Variants in CCDC6 observed in about 807,000 individuals in gnomAD.
CCDC6 encodes coiled-coil domain containing 6.
In CCDC6, 20 loss-of-function variants were observed where a neutral mutation model predicts 56.6. The observed-to-expected ratio is 0.35, with a 90% confidence interval of 0.25 to 0.51. The LOEUF (loss-of-function observed/expected upper bound fraction) is 0.51, where lower values mean the gene tolerates loss of function less well. Ranked by LOEUF, CCDC6 falls within the 20% of genes least tolerant of loss-of-function variation. The pLI, the probability that CCDC6 is intolerant of heterozygous loss-of-function variation, is 0.95. For missense variants in CCDC6, 367 were observed against 601.1 expected (o/e 0.61, Z 4.07); for synonymous variants, 241 against 234.4 (o/e 1.03, Z -0.26).
chr10:59,799,680 C>T (rs981863014), intron 7 of CCDC6, among the ~76,000 whole-genome samples: 4 of 152,202 alleles, frequency 2.6e-5, no homozygotes, highest in Non-Finnish European at 5.9e-5. Flanking sequence ...AGAATGTCTT[C>T]TCTTTACCAC....
intron 5 of CCDC6, 41 bp from the exon 6 acceptor site, chr10:59,807,119 A>G: frequency 1.9e-6 from 3 of 1,584,316 alleles, no homozygotes; most frequent in East Asian, 2.2e-5. Context: ...GTTTCATGCA[A>G]TCATATCCAA....
intron 1 of CCDC6, 77 bp downstream of exon 1, chr10:59,906,045 G>T: frequency 8.0e-7 from 1 of 1,247,684 alleles, no homozygotes; most frequent in Non-Finnish European, 1.1e-6. Context: ...AGACTTGGGG[G>T]GTGGCTGGAT....
At chr10:59,822,820 C>T (rs2070758495) in intron 3 of CCDC6, among the ~76,000 whole-genome samples, 1 of 152,090 alleles carries the variant, frequency 6.6e-6, no homozygotes, top group South Asian at 2.1e-4. Flanking sequence ...AAAGTGAGAA[C>T]TCATATCCCT....
intron 1 of CCDC6, among the ~76,000 whole-genome samples, chr10:59,872,540 A>T (rs2071238407): frequency 6.6e-6 from 1 of 152,198 alleles, no homozygotes. Flanking sequence ...TCCTCCGAAG[A>T]AGTAAAAGAC....
intron 2 of CCDC6, among the ~76,000 whole-genome samples, chr10:59,842,343 G>A (rs1024311715): frequency 3.9e-5 from 6 of 152,132 alleles, no homozygotes; most frequent in African/African-American, 1.4e-4. Flanking sequence ...CACCGTGCCT[G>A]GCCTATGTAA....
chr10:59,867,990 T>C (rs1463982186), intron 1 of CCDC6, among the ~76,000 whole-genome samples: 1 of 152,180 alleles, frequency 6.6e-6, no homozygotes, highest in Non-Finnish European at 1.5e-5. Flanking sequence ...CCCTAAAGTG[T>C]ACCACAAACA....
intron 8 of CCDC6, among the ~76,000 whole-genome samples, chr10:59,793,456 C>A (rs947497398): frequency 2.6e-5 from 4 of 152,160 alleles, no homozygotes; most frequent in African/African-American, 9.7e-5. Flanking sequence ...AATAAGTTGT[C>A]CACATCCTGA....
intron 1 of CCDC6, among the ~76,000 whole-genome samples, chr10:59,905,565 C>T (rs1226977186): frequency 6.6e-6 from 1 of 152,182 alleles, no homozygotes; most frequent in Non-Finnish European, 1.5e-5. Flanking sequence ...CCCTCTCGAT[C>T]CCGGCCAGAA....
At chr10:59,858,730 C>G (rs1282977054) in intron 1 of CCDC6, among the ~76,000 whole-genome samples, 1 of 152,178 alleles carries the variant, frequency 6.6e-6, no homozygotes, top group East Asian at 1.9e-4. Context: ...ATACCTGGTT[C>G]AAGAAGATGG....
intron 6 of CCDC6, chr10:59,805,007 G>C (rs911936942): frequency 2.7e-4 from 43 of 160,568 alleles, no homozygotes; most frequent in Admixed American, 2.5e-3. Flanking sequence ...AGCAAGCCCT[G>C]CTTAACAGAC....
chr10:59,823,234 A>C (rs2070761080), intron 3 of CCDC6, among the ~76,000 whole-genome samples: 1 of 152,210 alleles, frequency 6.6e-6, no homozygotes, highest in Non-Finnish European at 1.5e-5. Context: ...GGTGGAGGGC[A>C]GCCGACTCAT....
At chr10:59,842,386 T>G (rs2070947700) in intron 2 of CCDC6, among the ~76,000 whole-genome samples, 2 of 152,230 alleles carry the variant, frequency 1.3e-5, no homozygotes, top group African/African-American at 2.4e-5. Flanking sequence ...TTCAGTTCTA[T>G]TCTTAGTTCA....
intron 1 of CCDC6, among the ~76,000 whole-genome samples, chr10:59,902,388 CTTTTTTTTTT>C (rs35175510): frequency 5.7e-5 from 5 of 88,424 alleles, no homozygotes; most frequent in East Asian, 3.6e-4. Flanking sequence ...AACAGTAACT[CTTTTTTTTTT>C]TTTTTTTTTT....
intron 3 of CCDC6, among the ~76,000 whole-genome samples, chr10:59,825,382 C>G (rs2132639578): frequency 6.6e-6 from 1 of 152,316 alleles, no homozygotes; most frequent in South Asian, 2.1e-4. Flanking sequence ...CATGCTCCTC[C>G]TTGCCTTCTG....
At chr10:59,878,188 A>G (rs1377797262) in intron 1 of CCDC6, among the ~76,000 whole-genome samples, 1 of 152,242 alleles carries the variant, frequency 6.6e-6, no homozygotes, top group African/African-American at 2.4e-5. Context: ...GATTTATGAA[A>G]AACAAGAGTT....
chr10:59,880,601 G>A (rs1171763611), intron 1 of CCDC6, among the ~76,000 whole-genome samples: 1 of 152,030 alleles, frequency 6.6e-6, no homozygotes, highest in Non-Finnish European at 1.5e-5. Context: ...TTCAATCTGT[G>A]AAAATGAATC....
At chr10:59,850,265 T>G (rs1380892859) in intron 2 of CCDC6, among the ~76,000 whole-genome samples, 1 of 152,198 alleles carries the variant, frequency 6.6e-6, no homozygotes, top group East Asian at 1.9e-4. Context: ...TGGACAGTGC[T>G]GACGGCTGCA....
intron 2 of CCDC6, among the ~76,000 whole-genome samples, chr10:59,845,168 A>G (rs938038174): frequency 5.3e-5 from 8 of 152,184 alleles, no homozygotes; most frequent in African/African-American, 1.9e-4. Flanking sequence ...AACTAGAAAT[A>G]ACAATATTTC....
chr10:59,797,683 T>TTGTGTGTGTGTGTG (rs72280811), intron 7 of CCDC6, among the ~76,000 whole-genome samples: 50 of 140,618 alleles, frequency 3.6e-4, no homozygotes, highest in African/African-American at 1.2e-3. Flanking sequence ...AGTGAGAGTG[T>TTGTGTGTGTGTGTG]TGTGTGTGTG....
Sources: gnomAD v4.1 joint callset for allele counts (sites outside exome capture counted in the v4.1 genomes callset) on GRCh38, gnomAD v4.1.1 for gene constraint, MANE v1.5 for transcripts, NCBI Gene and HGNC (gene_info 2026-07-23, HGNC 2026-07-21) for gene names.